LYG2: variants seen among roughly 807,000 people sequenced by gnomAD.
LYG2 encodes the protein lysozyme g2, also known as lysozyme g-like protein 2.
A neutral mutation model predicts 22.4 loss-of-function variants in LYG2; 25 were observed. The ratio of observed to expected loss-of-function variants is 1.12; its 90% CI spans 0.81 to 1.56. The LOEUF (loss-of-function observed/expected upper bound fraction) is 1.56, where lower values mean the gene tolerates loss of function less well. LYG2 is among the 40% of genes most tolerant of loss of function. The probability of loss-of-function intolerance (pLI) is 0.00; values close to 1 mark genes in which losing one functional copy is unlikely to be tolerated. For synonymous variants in LYG2, 88 were observed against 97.0 expected (o/e 0.91, Z 0.55); for missense variants, 266 against 269.5 (o/e 0.99, Z 0.09).
At chr2:99,249,761 CAAAAAAAA>C (rs70940156) in intron 3 of LYG2, among the ~76,000 whole-genome samples, 68 of 65,332 alleles carry the variant, frequency 1.0e-3, no homozygotes, top group African/African-American at 3.7e-3. Flanking sequence ...AACTCTGTCT[CAAAAAAAA>C]AAAAAAAAAA....
chr2:99,256,650 A>G (rs2094036888), upstream of LYG2, among the ~76,000 whole-genome samples: 1 of 152,244 alleles, frequency 6.6e-6, no homozygotes, highest in South Asian at 2.1e-4. Flanking sequence ...GCACTGGAAG[A>G]AGACATTGTT....
At chr2:99,243,512 A>G in intron 6 of LYG2, 1 of 1,508,436 alleles carries the variant, frequency 6.6e-7, no homozygotes, top group Admixed American at 2.2e-5. Flanking sequence ...ATAGATAGAT[A>G]GATAGATAGA....
chr2:99,253,048 CAAAAAAAAAAAAA>C (rs35859472), intron 3 of LYG2, among the ~76,000 whole-genome samples: 2 of 67,284 alleles, frequency 3.0e-5, no homozygotes. Flanking sequence ...GACTCTGTCT[CAAAAAAAAAAAAA>C]AAAAAAAAGG....
Position 99,242,493 on chromosome 2 carries a change from A to G in LYG2, c.521-11T>C. ...AAGCTGAGAGACCACCTGAAATGAA[A>G]CACAGAGAATTAGGCTCAAATATTA... is the stretch of plus-strand genomic sequence containing the variant. On this transcript the variant is annotated splice_polypyrimidine_tract_variant and intron_variant, in intron 6 of 6. Transcript: ENST00000333017. 1 of 1,548,380 alleles carries G rather than the reference A, an allele frequency of 6.5e-7. No individual in the cohort carries two copies. The highest frequency in any genetic ancestry group is 8.9e-7 in the Non-Finnish European group (1 of 1,122,082).
upstream of LYG2, among the ~76,000 whole-genome samples, chr2:99,257,078 C>T (rs183441506): frequency 5.9e-5 from 9 of 152,266 alleles, no homozygotes; most frequent in South Asian, 2.1e-4. Flanking sequence ...AGTGCCAGCA[C>T]GATGGACAAA....
intron 3 of LYG2, among the ~76,000 whole-genome samples, chr2:99,251,114 AGG>A (rs1279518613): frequency 6.6e-6 from 1 of 152,240 alleles, no homozygotes; most frequent in East Asian, 1.9e-4. Flanking sequence ...AGTAAGAGGA[AGG>A]TAAAGGGAAC....
chr2:99,246,953 TC>T (rs2094017112), intron 3 of LYG2, 133 bp from the exon 4 acceptor site: 10 of 836,740 alleles, frequency 1.2e-5, no homozygotes, highest in Non-Finnish European at 1.8e-5. Flanking sequence ...CATTATTTGT[TC>T]CTCAGACAGA....
At position 99,245,360 on chromosome 2, in the gene LYG2, G is replaced by T; in HGVS notation, c.283C>A (p.Pro95Thr). 1 of 1,613,342 alleles carries T rather than the reference G, an allele frequency of 6.2e-7. No homozygotes were observed. Among genetic ancestry groups the T allele is most frequent in the Non-Finnish European group, 8.5e-7 (1 of 1,179,646 alleles). ...KEVGQRHCVD[P>T]AVIAAIISRE... is the part of the protein sequence containing the mutation. Reference sequence around the variant, plus strand: ...GAGATGATGGCTGCGATGACAGCAGGGTCCACGCAATGTCTCTGCCCGACT... The same window carrying T: ...GAGATGATGGCTGCGATGACAGCAGTGTCCACGCAATGTCTCTGCCCGACT... Residue 95 changes from proline to threonine, a missense_variant, in exon 5 of 7, where the codon CCT becomes ACT. Physicochemically the swap from Pro to Thr is conservative, Grantham distance 38. Coordinates refer to ENST00000333017, the MANE Select transcript of LYG2 (RefSeq NM_175735.4).
intron 6 of LYG2, 24 bp from the exon 7 acceptor site, chr2:99,242,506 G>A (rs764292027): frequency 3.4e-6 from 5 of 1,459,108 alleles, no homozygotes; most frequent in Non-Finnish European, 4.8e-6. Flanking sequence ...CAGAGAATTA[G>A]GCTCAAATAT....
chr2:99,250,631 CCCAAA>C (rs2094024891), intron 3 of LYG2, among the ~76,000 whole-genome samples: 1 of 152,198 alleles, frequency 6.6e-6, no homozygotes, highest in Non-Finnish European at 1.5e-5. Flanking sequence ...ACCTTGGCCT[CCCAAA>C]GTGCTGGGAT....
chr2:99,245,156 C>T, intron 5 of LYG2, 106 bp downstream of exon 5: 8 of 1,273,922 alleles, frequency 6.3e-6, no homozygotes, highest in South Asian at 6.0e-5. Context: ...AGCCAGATGC[C>T]AGGGTATTTT....
At chr2:99,251,643 A>G (rs2105274481) in intron 3 of LYG2, among the ~76,000 whole-genome samples, 1 of 152,248 alleles carries the variant, frequency 6.6e-6, no homozygotes, top group East Asian at 1.9e-4. Context: ...AACACCTGAA[A>G]TAAACGACAG....
chr2:99,250,587 G>T (rs1288004727), intron 3 of LYG2, among the ~76,000 whole-genome samples: 1 of 152,138 alleles, frequency 6.6e-6, no homozygotes, highest in Non-Finnish European at 1.5e-5. Context: ...TGTTAGCCAG[G>T]ATGGTCTCGA....
At chr2:99,259,509 GA>G (rs2094043356), upstream of LYG2, among the ~76,000 whole-genome samples, 2 of 152,124 alleles carry the variant, frequency 1.3e-5, no homozygotes, top group African/African-American at 4.8e-5. Context: ...ATATTTGTTT[GA>G]AAAAGGGACT....
At chr2:99,259,414 TA>T (rs562953887), upstream of LYG2, among the ~76,000 whole-genome samples, 530 of 150,048 alleles carry the variant, frequency 3.5e-3, 2 homozygotes, top group African/African-American at 0.012. Context: ...ATACACAAGT[TA>T]AAAAAAAAAT....
At chr2:99,247,385 A>T (rs573359709) in intron 3 of LYG2, among the ~76,000 whole-genome samples, 16 of 151,640 alleles carry the variant, frequency 1.1e-4, no homozygotes, top group African/African-American at 3.6e-4. Context: ...TAGTCATACC[A>T]TGCTCTATGT....
upstream of LYG2, among the ~76,000 whole-genome samples, chr2:99,257,812 A>G (rs1452595246): frequency 6.6e-6 from 1 of 152,152 alleles, no homozygotes; most frequent in Admixed American, 6.5e-5. Flanking sequence ...TAACGACTAA[A>G]TGGCCTCAGC....
intron 1 of LYG2, among the ~76,000 whole-genome samples, 47 bp downstream of exon 1, chr2:99,255,556 G>T (rs2094034679): frequency 6.6e-6 from 1 of 152,134 alleles, no homozygotes; most frequent in Non-Finnish European, 1.5e-5. Context: ...ACTTTAAAAG[G>T]ATAACAGGAA....
Position 99,245,353 on chromosome 2 carries a change from A to G in LYG2, c.290T>C (p.Val97Ala). 6.2e-7 allele frequency: 1 copy of G among 1,613,424 alleles called. No homozygotes were observed. Among genetic ancestry groups the G allele is most frequent in the Non-Finnish European group, 8.5e-7 (1 of 1,179,648 alleles). The stretch of plus-strand genomic sequence containing the variant: ...TTCCCTGGAGATGATGGCTGCGATG[A>G]CAGCAGGGTCCACGCAATGTCTCTG... The part of the protein sequence containing the change: ...VGQRHCVDPA[V>A]IAAIISRESH... Residue 97 changes from valine to alanine, a missense_variant, in exon 5 of 7, where the codon GTC (valine) becomes GCC (alanine). Physicochemically the swap from Val to Ala is moderately conservative, Grantham distance 64. Coordinates refer to ENST00000333017, the MANE Select transcript of LYG2 (RefSeq NM_175735.4).
Sources: allele counts gnomAD v4.1 joint callset (sites outside exome capture counted in the v4.1 genomes callset), GRCh38; gene constraint gnomAD v4.1.1; transcripts MANE v1.5; gene names NCBI Gene and HGNC (gene_info 2026-07-23, HGNC 2026-07-21).